The following TMTC2 variants were observed in gnomAD, a reference collection of about 807,000 sequenced individuals.
The protein encoded by TMTC2 is protein O-mannosyl-transferase TMTC2.
Under a neutral mutation model 82.4 loss-of-function variants are expected in TMTC2, and 43 were observed. The ratio of observed to expected loss-of-function variants is 0.52; its 90% CI spans 0.41 to 0.67. The LOEUF is 0.67. TMTC2 is among the 30% of genes least tolerant of loss of function. The pLI is 0.00. For synonymous variants in TMTC2, 408 were observed against 381.9 expected, an observed-to-expected ratio of 1.07 and a Z score of -0.80; for missense variants, 919 against 1,012.4, an observed-to-expected ratio of 0.91 and a Z score of 1.25.
chr12:83,128,321 CTT>C (rs1885155157), intron 11 of TMTC2, among the ~76,000 whole-genome samples: 1 of 151,714 alleles, frequency 6.6e-6, no homozygotes, highest in Admixed American at 6.6e-5. Context: ...GTTTAGAAAA[CTT>C]TATGTGTTCT....
chr12:83,070,263 T>G (rs1485972167), intron 11 of TMTC2, among the ~76,000 whole-genome samples: 1 of 152,058 alleles, frequency 6.6e-6, no homozygotes, highest in African/African-American at 2.4e-5. Flanking sequence ...TTTAATTTTT[T>G]GATTGCTTTT....
At chr12:82,969,989 A>G (rs1878378198) in intron 7 of TMTC2, among the ~76,000 whole-genome samples, 1 of 152,366 alleles carries the variant, frequency 6.6e-6, no homozygotes, top group East Asian at 1.9e-4. Context: ...AGAACAAATC[A>G]CAAAATATGT....
At chr12:82,737,876 A>G (rs1875202061) in intron 1 of TMTC2, among the ~76,000 whole-genome samples, 1 of 152,186 alleles carries the variant, frequency 6.6e-6, no homozygotes, top group East Asian at 1.9e-4. Context: ...GCCCAAAGGG[A>G]GACAGTTCCC....
At chr12:83,100,634 T>C (rs1884186914) in intron 11 of TMTC2, among the ~76,000 whole-genome samples, 1 of 152,282 alleles carries the variant, frequency 6.6e-6, no homozygotes, top group South Asian at 2.1e-4. Flanking sequence ...ATCTGAGATT[T>C]TTTTTTCAGC....
intron 1 of TMTC2, among the ~76,000 whole-genome samples, chr12:82,764,817 C>T (rs1371967342): frequency 7.1e-6 from 1 of 141,630 alleles, no homozygotes; most frequent in African/African-American, 2.6e-5. Context: ...TCATTCATGC[C>T]TTTGGCTCAG....
chr12:82,763,309 G>T (rs1490723329), intron 1 of TMTC2, among the ~76,000 whole-genome samples: 11 of 152,086 alleles, frequency 7.2e-5, no homozygotes, highest in Admixed American at 6.6e-4. Flanking sequence ...CCAAGAAAAA[G>T]TGTTACAAAA....
At chr12:82,937,701 GGTGTGT>G (rs146657948) in intron 4 of TMTC2, among the ~76,000 whole-genome samples, 3 of 73,258 alleles carry the variant, frequency 4.1e-5, no homozygotes, top group East Asian at 3.8e-4. Context: ...AAATGTCAAT[GGTGTGT>G]GTGTGTGTGT....
chr12:82,948,337 C>A (rs1386199647), intron 4 of TMTC2, among the ~76,000 whole-genome samples: 1 of 151,104 alleles, frequency 6.6e-6, no homozygotes, highest in Non-Finnish European at 1.5e-5. Context: ...TGCACTCCAG[C>A]CTGGACAACA....
intron 4 of TMTC2, among the ~76,000 whole-genome samples, chr12:82,932,135 C>T (rs77995639): frequency 0.086 from 13,146 of 152,046 alleles, 734 homozygotes; most frequent in African/African-American, 0.14. Flanking sequence ...AGTCTAAAGG[C>T]ACAGATACTT....
intron 1 of TMTC2, among the ~76,000 whole-genome samples, chr12:82,772,081 A>C (rs1458213167): frequency 6.6e-6 from 1 of 152,174 alleles, no homozygotes; most frequent in Non-Finnish European, 1.5e-5. Flanking sequence ...ATGGCGCTTA[A>C]CTGTAAATTT....
At chr12:82,862,692 A>G (rs935887874) in intron 2 of TMTC2, among the ~76,000 whole-genome samples, 8 of 152,148 alleles carry the variant, frequency 5.3e-5, no homozygotes, top group Non-Finnish European at 1.2e-4. Flanking sequence ...CTTTCTAGAA[A>G]TAATTTTCTT....
chr12:83,105,813 C>G (rs1164030193), intron 11 of TMTC2, among the ~76,000 whole-genome samples: 3 of 152,130 alleles, frequency 2.0e-5, no homozygotes, highest in African/African-American at 7.2e-5. Flanking sequence ...CAATTTAAAC[C>G]TGATGAATTC....
chr12:83,127,574 T>G (rs939976767), intron 11 of TMTC2, among the ~76,000 whole-genome samples: 1 of 152,200 alleles, frequency 6.6e-6, no homozygotes, highest in African/African-American at 2.4e-5. Flanking sequence ...ACATTACTCC[T>G]GATCCCAGTA....
intron 9 of TMTC2, among the ~76,000 whole-genome samples, chr12:83,036,449 A>C (rs892243823): frequency 6.8e-6 from 1 of 148,116 alleles, no homozygotes; most frequent in African/African-American, 2.5e-5. Context: ...GCACTTTGCC[A>C]TCTATCTTAT....
chr12:83,086,784 T>G (rs1883675171), intron 11 of TMTC2, among the ~76,000 whole-genome samples: 1 of 152,164 alleles, frequency 6.6e-6, no homozygotes, highest in African/African-American at 2.4e-5. Flanking sequence ...TAAAAAACAT[T>G]TTATTACTAA....
intron 1 of TMTC2, among the ~76,000 whole-genome samples, chr12:82,757,075 T>C (rs1292275610): frequency 1.3e-5 from 2 of 152,192 alleles, no homozygotes; most frequent in Non-Finnish European, 2.9e-5. Flanking sequence ...TGACTTTCAC[T>C]GTATACATGG....
chr12:83,123,890 A>G (rs1377176605), intron 11 of TMTC2, among the ~76,000 whole-genome samples: 2 of 152,186 alleles, frequency 1.3e-5, no homozygotes, highest in Non-Finnish European at 2.9e-5. Flanking sequence ...CCGTAAGGAA[A>G]TAATATCCCC....
chr12:82,791,628 A>T (rs1423527527), intron 1 of TMTC2, among the ~76,000 whole-genome samples: 1 of 152,172 alleles, frequency 6.6e-6, no homozygotes, highest in Non-Finnish European at 1.5e-5. Context: ...TTTTCTACTT[A>T]AAAACCTCTG....
chr12:83,074,199 A>G (rs1319345907), intron 11 of TMTC2, among the ~76,000 whole-genome samples: 1 of 151,834 alleles, frequency 6.6e-6, no homozygotes, highest in Non-Finnish European at 1.5e-5. Context: ...CCCTTTTCCT[A>G]TGGATGTGGC....
Sources: allele counts gnomAD v4.1 joint callset (sites outside exome capture counted in the v4.1 genomes callset), GRCh38; gene constraint gnomAD v4.1.1; transcripts MANE v1.5; gene names NCBI Gene and HGNC (gene_info 2026-07-23, HGNC 2026-07-21).